DCDC2: variants seen among roughly 807,000 people sequenced by gnomAD.
DCDC2 encodes the protein doublecortin domain containing 2.
In DCDC2, 40 loss-of-function variants were observed where a neutral mutation model predicts 50.2. The observed-to-expected ratio is 0.80, with a 90% CI of 0.62 to 1.04. The LOEUF is 1.04. Ranked by LOEUF, DCDC2 falls within the 50% of genes least tolerant of loss-of-function variation. The pLI is 0.00. For missense variants in DCDC2, 570 were observed against 581.9 expected, an observed-to-expected ratio of 0.98 and a Z score of 0.21; for synonymous variants, 234 against 210.6, an observed-to-expected ratio of 1.11 and a Z score of -0.96.
intron 8 of DCDC2, among the ~76,000 whole-genome samples, chr6:24,195,957 A>C (rs2113754442): frequency 6.6e-6 from 1 of 152,338 alleles, no homozygotes; most frequent in Non-Finnish European, 1.5e-5. Context: ...GAATGGATAA[A>C]TAACTTGGCC....
chr6:24,378,956 G>GA, the DCDC2 span, among the ~76,000 whole-genome samples: 31,646 of 67,034 alleles, frequency 0.47, 7,145 homozygotes, highest in African/African-American at 0.62. Flanking sequence ...GTCTCATTTG[G>GA]AAAAAAAAAA....
At chr6:24,352,112 A>T (rs572727144) in intron 2 of DCDC2, among the ~76,000 whole-genome samples, 4 of 152,272 alleles carry the variant, frequency 2.6e-5, no homozygotes, top group African/African-American at 4.8e-5. Context: ...TCAAAAAAAA[A>T]TTTTTAAGAA....
intron 1 of DCDC2, among the ~76,000 whole-genome samples, chr6:24,354,014 T>C (rs890935214): frequency 6.6e-6 from 1 of 152,210 alleles, no homozygotes; most frequent in African/African-American, 2.4e-5. Flanking sequence ...GAAGTACTGA[T>C]AGCGTGCATT....
intron 2 of DCDC2, among the ~76,000 whole-genome samples, chr6:24,303,372 G>A (rs566653284): frequency 1.4e-4 from 22 of 151,958 alleles, no homozygotes; most frequent in Non-Finnish European, 2.1e-4. Flanking sequence ...TCCTCGTCAC[G>A]CACTGTAGTT....
chr6:24,360,032 C>T (rs192742767), upstream of DCDC2, among the ~76,000 whole-genome samples: 32 of 152,288 alleles, frequency 2.1e-4, no homozygotes, highest in Non-Finnish European at 4.1e-4. Context: ...CGGTGCGGCT[C>T]GGGTGGCACA....
chr6:24,372,326 G>C, the DCDC2 span, among the ~76,000 whole-genome samples: 4 of 152,068 alleles, frequency 2.6e-5, no homozygotes, highest in Non-Finnish European at 5.9e-5. Context: ...GGCTGAGGCA[G>C]GAGAATGGCG....
intron 8 of DCDC2, 89 bp from the exon 9 acceptor site, chr6:24,178,721 C>T: frequency 2.3e-6 from 3 of 1,300,918 alleles, no homozygotes; most frequent in Middle Eastern, 2.0e-4. Context: ...ACTTATATTA[C>T]AGTCAAGTAA....
intron 2 of DCDC2, among the ~76,000 whole-genome samples, chr6:24,348,850 G>A (rs188017970): frequency 1.4e-3 from 207 of 151,882 alleles, no homozygotes; most frequent in Non-Finnish European, 2.5e-3. Context: ...CCTACACGCT[G>A]AACTCCCAAA....
At chr6:24,177,018 T>C (rs1182021357) in intron 9 of DCDC2, among the ~76,000 whole-genome samples, 9 of 152,242 alleles carry the variant, frequency 5.9e-5, no homozygotes, top group East Asian at 1.9e-4. Context: ...TTATGTGATA[T>C]GTTGAATTAA....
At chr6:24,350,236 C>T (rs1435056660) in intron 2 of DCDC2, among the ~76,000 whole-genome samples, 1 of 152,140 alleles carries the variant, frequency 6.6e-6, no homozygotes, top group Non-Finnish European at 1.5e-5. Context: ...GTTAGCATGA[C>T]CTGAAGTCAA....
Position 24,278,119 on chromosome 6 carries a change from A to AT in DCDC2, c.851dup (p.Asn284LysfsTer24). On this transcript the variant is annotated frameshift_variant, in exon 7 of 10. Coordinates refer to ENST00000378454, the MANE Select transcript of DCDC2 (RefSeq NM_016356.5). LOFTEE classifies it high-confidence loss of function. Reference sequence around the variant, plus strand: ...GTTTCAATTTCGTCAGTTTTTCTGAATTCACGTCTTCTTTTTTCCCTTTCC... The same window carrying AT: ...GTTTCAATTTCGTCAGTTTTTCTGAATTTCACGTCTTCTTTTTTCCCTTTCC... The AT allele has an allele frequency of 6.2e-7, 1 of 1,613,884 alleles. No individual in the cohort carries two copies. The highest frequency in any genetic ancestry group is 8.5e-7 in the Non-Finnish European group (1 of 1,179,874).
In DCDC2 at chr6:24,178,525, T is replaced by G. The variant is rs1163111563; in HGVS notation, c.1131A>C (p.Gly377=). 6.2e-7 allele frequency: 1 copy of G among 1,614,060 alleles called. No homozygotes were observed. The highest frequency in any genetic ancestry group is 2.2e-5 in the East Asian group (1 of 44,886). Residue 377 remains glycine (G), a synonymous_variant, in exon 9 of 10, where the codon GGA becomes GGC. Transcript: ENST00000378454. ...CAGGGGCATCTGTAGCCTCCCTACCTCCTTCCTCTTCAAGGTCACCATTCA... is the reference window on the plus strand; with the variant it reads ...CAGGGGCATCTGTAGCCTCCCTACCGCCTTCCTCTTCAAGGTCACCATTCA... ...SGMNGDLEEE[G]GREATDAPEQ...
intron 7 of DCDC2, among the ~76,000 whole-genome samples, chr6:24,262,666 CT>C (rs1763036525): frequency 6.6e-6 from 1 of 152,220 alleles, no homozygotes; most frequent in Non-Finnish European, 1.5e-5. Context: ...TGTACACCAG[CT>C]CAGCCACAGT....
At chr6:24,355,401 T>C (rs577467622) in intron 1 of DCDC2, among the ~76,000 whole-genome samples, 31 of 152,282 alleles carry the variant, frequency 2.0e-4, no homozygotes, top group African/African-American at 7.0e-4. Flanking sequence ...GAAATTGCTT[T>C]AGACGGAAAT....
intron 7 of DCDC2, among the ~76,000 whole-genome samples, chr6:24,242,573 C>G (rs1703110153): frequency 6.6e-6 from 1 of 152,194 alleles, no homozygotes; most frequent in African/African-American, 2.4e-5. Flanking sequence ...CACAGATGCC[C>G]ATATCTAATT....
In DCDC2 at chr6:24,212,282, CA is replaced by C. The variant is rs369673440; in HGVS notation, c.923-7181del. Among the ~76,000 whole-genome samples, 134 of 152,318 alleles carry C rather than the reference CA, an allele frequency of 8.8e-4. No homozygotes were observed. The South Asian group carries it at 0.026, about 30-fold the overall frequency. On this transcript the variant is annotated intron_variant, in intron 7 of 9. Coordinates refer to ENST00000378454, the MANE Select transcript of DCDC2 (RefSeq NM_016356.5). ...TTGGGAAGCGTTCTTCTGGAAAGAA[CA>C]TCTGCAGTGGCCACCACAGATCCAC...
chr6:24,267,049 C>G (rs1763137149), intron 7 of DCDC2, among the ~76,000 whole-genome samples: 1 of 152,042 alleles, frequency 6.6e-6, no homozygotes, highest in Admixed American at 6.6e-5. Flanking sequence ...TGAAATAATC[C>G]AGGCACAAAG....
At chr6:24,359,621 G>A (rs1196107901), upstream of DCDC2, among the ~76,000 whole-genome samples, 2 of 137,640 alleles carry the variant, frequency 1.5e-5, no homozygotes. Flanking sequence ...GAGAATCCGG[G>A]TACCGTGACT....
chr6:24,310,570 AT>A (rs1308217488), intron 2 of DCDC2, among the ~76,000 whole-genome samples: 1 of 152,084 alleles, frequency 6.6e-6, no homozygotes, highest in East Asian at 1.9e-4. Context: ...TCTTGGTCAA[AT>A]TTATCACATG....
Sources: allele counts gnomAD v4.1 joint callset (sites outside exome capture counted in the v4.1 genomes callset), GRCh38; gene constraint gnomAD v4.1.1; transcripts MANE v1.5; gene names NCBI Gene and HGNC (gene_info 2026-07-23, HGNC 2026-07-21).